COL4A1: variants seen among roughly 807,000 people sequenced by gnomAD.
COL4A1 encodes the protein collagen alpha-1(IV) chain.
A neutral mutation model predicts 216.6 loss-of-function variants in COL4A1; 40 were observed. The ratio of observed to expected loss-of-function variants is 0.18; its 90% CI spans 0.14 to 0.24. The LOEUF is 0.24. Among genes scored for constraint, COL4A1 ranks in the 10% least tolerant of loss-of-function variants. The pLI is 1.00. For synonymous variants in COL4A1, 839 were observed against 810.7 expected (o/e 1.03, Z -0.59); for missense variants, 1,628 against 2,196.8 (o/e 0.74, Z 5.18).
At chr13:110,172,192 C>T (rs1028383058) in intron 41 of COL4A1, among the ~76,000 whole-genome samples, 4 of 152,216 alleles carry the variant, frequency 2.6e-5, no homozygotes, top group Admixed American at 6.5e-5. Flanking sequence ...CAGTGTCGTG[C>T]AGCTCACATG....
intron 18 of COL4A1, among the ~76,000 whole-genome samples, chr13:110,202,730 G>C (rs1488597814): frequency 1.3e-5 from 2 of 152,150 alleles, no homozygotes; most frequent in Non-Finnish European, 2.9e-5. Flanking sequence ...TCACCATGAA[G>C]ATATGTGCAA....
intron 37 of COL4A1, 58 bp from the exon 38 acceptor site, chr13:110,174,807 G>A (rs1375672470): frequency 1.1e-5 from 16 of 1,485,522 alleles, no homozygotes; most frequent in Non-Finnish European, 1.2e-5. Context: ...TGCATCTGTA[G>A]GCATGTTATA....
chr13:110,263,104 C>T (rs1178455436), intron 1 of COL4A1, among the ~76,000 whole-genome samples: 1 of 152,164 alleles, frequency 6.6e-6, no homozygotes, highest in Non-Finnish European at 1.5e-5. Flanking sequence ...TCCCACGCAG[C>T]AGAAAGCAGT....
At chr13:110,247,923 T>G (rs1369441589) in intron 1 of COL4A1, among the ~76,000 whole-genome samples, 1 of 151,438 alleles carries the variant, frequency 6.6e-6, no homozygotes, top group African/African-American at 2.4e-5. Context: ...GAAGGCATAT[T>G]TGGAATGAGT....
chr13:110,182,972 G>A (rs371533780), intron 28 of COL4A1, 21 bp downstream of exon 28: 147 of 1,601,828 alleles, frequency 9.2e-5, no homozygotes, highest in Non-Finnish European at 1.1e-4. Flanking sequence ...CCAAAGGCTC[G>A]GGTCCGTCTG....
intron 1 of COL4A1, among the ~76,000 whole-genome samples, chr13:110,275,966 A>G (rs1341891373): frequency 1.3e-5 from 2 of 152,126 alleles, no homozygotes; most frequent in Admixed American, 6.6e-5. Flanking sequence ...AAACAACTCT[A>G]TGTTATACTA....
chr13:110,243,284 T>C (rs1328272402), intron 1 of COL4A1, among the ~76,000 whole-genome samples: 1 of 152,178 alleles, frequency 6.6e-6, no homozygotes, highest in Non-Finnish European at 1.5e-5. Context: ...GAACGTCACA[T>C]TAAAGAACAG....
chr13:110,192,953 G>C, intron 22 of COL4A1, 40 bp from the exon 23 acceptor site: 1 of 1,578,958 alleles, frequency 6.3e-7, no homozygotes, highest in Non-Finnish European at 8.7e-7. Context: ...TGTAACATGT[G>C]ACCAGAAGTC....
At position 110,237,453 on chromosome 13, in the gene COL4A1, G is replaced by A. The variant is rs372704081; in HGVS notation, c.144+5222C>T. Among the ~76,000 whole-genome samples, 3 of 152,130 alleles carry A rather than the reference G, an allele frequency of 2.0e-5. No individual in the cohort carries two copies. The highest frequency in any genetic ancestry group is 1.9e-4 in the East Asian group (1 of 5,174). On this transcript the variant is annotated intron_variant, in intron 2 of 51. Transcript: ENST00000375820. Reference sequence around the variant, plus strand: ...TTTATGTCACGACTGCTGGGGTGGGGGTGCTCCTGGCATCCGATGTGTAAA... The same window carrying A: ...TTTATGTCACGACTGCTGGGGTGGGAGTGCTCCTGGCATCCGATGTGTAAA...
intron 45 of COL4A1, among the ~76,000 whole-genome samples, chr13:110,165,518 G>A (rs1877297142): frequency 1.3e-5 from 2 of 151,628 alleles, no homozygotes; most frequent in Non-Finnish European, 1.5e-5. Flanking sequence ...CAGCCTCCCC[G>A]TTTTCAGCCC....
At chr13:110,163,623 C>T (rs1877188528) in intron 46 of COL4A1, 62 bp from the exon 47 acceptor site, 1 of 1,441,272 alleles carries the variant, frequency 6.9e-7, no homozygotes, top group Non-Finnish European at 9.6e-7. Flanking sequence ...TCTTTCTTCC[C>T]TTCTTAAATG....
chr13:110,155,842 G>C (rs1051174448), intron 49 of COL4A1, among the ~76,000 whole-genome samples: 68 of 152,316 alleles, frequency 4.5e-4, no homozygotes, highest in Admixed American at 2.5e-3. Flanking sequence ...AACCTGGGAG[G>C]CGGAGGTTGC....
At chr13:110,188,960 C>A (rs1361792963) in intron 24 of COL4A1, among the ~76,000 whole-genome samples, 1 of 151,730 alleles carries the variant, frequency 6.6e-6, no homozygotes, top group Non-Finnish European at 1.5e-5. Context: ...ACTCTCTGCA[C>A]TGTTCAATAT....
chr13:110,205,243 A>G (rs1168846326), intron 17 of COL4A1, 110 bp downstream of exon 17: 17 of 1,304,106 alleles, frequency 1.3e-5, no homozygotes, highest in Non-Finnish European at 1.8e-5. Flanking sequence ...AGAAGCATAA[A>G]TGATTTTTTT....
chr13:110,198,754 G>T, intron 20 of COL4A1, 123 bp from the exon 21 acceptor site: 2 of 1,292,820 alleles, frequency 1.5e-6, no homozygotes, highest in Non-Finnish European at 2.2e-6. Flanking sequence ...AAAGGGAACT[G>T]CTTTAGACAT....
Position 110,176,891 on chromosome 13 carries a change from C to T in COL4A1, c.2863G>A (p.Glu955Lys). ...AGAAGCCTCCTGGACTTGCCTTTCT[C>T]TCCTTGGTCTCCTTTCTGGCCCTTC... Reference protein sequence around the residue: ...SMKGQKGDQGEKGQIGPIGEK... With the variant: ...SMKGQKGDQGKKGQIGPIGEK... Residue 955 changes from glutamate to lysine, a missense_variant, in exon 34 of 52, where the codon GAG (glutamate) becomes AAG (lysine). Physicochemically the swap from Glu to Lys is moderately conservative, Grantham distance 56. Transcript: ENST00000375820. The T allele has an allele frequency of 6.8e-6, 11 of 1,614,220 alleles. No homozygotes were observed. Among genetic ancestry groups the T allele is most frequent in the Non-Finnish European group, 9.3e-6 (11 of 1,180,046 alleles).
intron 2 of COL4A1, among the ~76,000 whole-genome samples, chr13:110,222,853 T>G (rs1880570216): frequency 6.6e-6 from 1 of 151,394 alleles, no homozygotes. Context: ...TATTAAAATA[T>G]TAAATATTCA....
At chr13:110,187,444 C>G in intron 24 of COL4A1, 115 bp from the exon 25 acceptor site, 1 of 1,160,904 alleles carries the variant, frequency 8.6e-7, no homozygotes, top group South Asian at 1.3e-5. Flanking sequence ...AATGGTCATG[C>G]ATTCATGCCT....
At chr13:110,287,259 T>C (rs1299547241) in intron 1 of COL4A1, among the ~76,000 whole-genome samples, 3 of 152,194 alleles carry the variant, frequency 2.0e-5, no homozygotes, top group Admixed American at 6.5e-5. Flanking sequence ...AGAATTCCTT[T>C]AGGCCGCATG....
Sources: gnomAD v4.1 joint callset for allele counts (sites outside exome capture counted in the v4.1 genomes callset) on GRCh38, gnomAD v4.1.1 for gene constraint, MANE v1.5 for transcripts, NCBI Gene and HGNC (gene_info 2026-07-23, HGNC 2026-07-21) for gene names.